Variants in CMSS1 observed in about 807,000 individuals in gnomAD.
CMSS1 encodes protein CMSS1.
CMSS1 carries 33 observed loss-of-function variants against 43.5 expected under a neutral mutation model. That is an observed-to-expected ratio of 0.76 (90% CI 0.57 to 1.01). The LOEUF is 1.01. Ranked by LOEUF, CMSS1 falls within the 50% of genes least tolerant of loss-of-function variation. The pLI, the probability that CMSS1 is intolerant of heterozygous loss-of-function variation, is 0.00. For synonymous variants in CMSS1, 115 were observed against 117.2 expected, an observed-to-expected ratio of 0.98 and a Z score of 0.12; for missense variants, 313 against 326.4, an observed-to-expected ratio of 0.96 and a Z score of 0.32.
At chr3:99,866,073 T>TTCCTTTATTCTC (rs545655351) in intron 1 of CMSS1, among the ~76,000 whole-genome samples, 3 of 152,156 alleles carry the variant, frequency 2.0e-5, no homozygotes, top group Non-Finnish European at 4.4e-5. Context: ...CTGCTTTTCT[T>TTCCTTTATTCTC]TCCTTTATTC....
chr3:99,902,394 A>G (rs1706465524), intron 1 of CMSS1, among the ~76,000 whole-genome samples: 2 of 152,208 alleles, frequency 1.3e-5, no homozygotes, highest in African/African-American at 4.8e-5. Context: ...CATGTTTTAC[A>G]AGAAGCAGTT....
chr3:99,821,809 GC>G (rs1380439923), intron 1 of CMSS1, among the ~76,000 whole-genome samples: 1 of 152,170 alleles, frequency 6.6e-6, no homozygotes, highest in African/African-American at 2.4e-5. Context: ...ACTTTGGGAG[GC>G]CAAGGTGGGC....
At position 100,071,648 on chromosome 3, in the gene CMSS1, C is replaced by G. The variant is rs559413473; in HGVS notation, c.65-75325C>G. On this transcript the variant is annotated intron_variant, in intron 1 of 9. Coordinates refer to ENST00000421999, the MANE Select transcript of CMSS1 (RefSeq NM_032359.4). ...GTCAACTTCTGGACACATCTTTATC[C>G]TGGACAGATCTTCCTTGGTCCATTC... Among the ~76,000 whole-genome samples the G allele has an allele frequency of 4.0e-4, 61 of 152,302 alleles. No individual in the cohort carries two copies. The South Asian group carries it at 0.012, about 30-fold the overall frequency.
intron 1 of CMSS1, among the ~76,000 whole-genome samples, chr3:100,085,601 T>C (rs1289177946): frequency 6.6e-6 from 1 of 152,208 alleles, no homozygotes; most frequent in Non-Finnish European, 1.5e-5. Flanking sequence ...AGCTCTAAGA[T>C]GCAGGCAAAT....
At chr3:100,011,447 T>G (rs1470057947) in intron 1 of CMSS1, among the ~76,000 whole-genome samples, 9 of 152,172 alleles carry the variant, frequency 5.9e-5, no homozygotes, top group African/African-American at 1.9e-4. Context: ...CCCAGAGGAC[T>G]AGTTAGATGC....
At position 100,172,360 on chromosome 3, in the gene CMSS1, G is replaced by T; in HGVS notation, c.624G>T (p.Leu208=). ...TGCTGGAGAAGCGTGTGGTGCACCT[G>T]GGTGTAGGAACTCCGGGGAGAATTA... ...VKLLEKRVVH[L]GVGTPGRIKE... Residue 208 remains leucine, a synonymous_variant, in exon 8 of 10, where the codon CTG becomes CTT. Coordinates refer to ENST00000421999, the MANE Select transcript of CMSS1 (RefSeq NM_032359.4). The T allele has an allele frequency of 6.2e-7, 1 of 1,613,886 alleles. No homozygotes were observed.
intron 1 of CMSS1, among the ~76,000 whole-genome samples, chr3:99,950,654 C>T (rs530426150): frequency 3.2e-4 from 49 of 152,232 alleles, no homozygotes; most frequent in African/African-American, 1.2e-3. Flanking sequence ...TTCCAATATT[C>T]GCCTCCCCAG....
At chr3:99,878,549 G>C (rs1398533197) in intron 1 of CMSS1, among the ~76,000 whole-genome samples, 1 of 152,186 alleles carries the variant, frequency 6.6e-6, no homozygotes, top group Non-Finnish European at 1.5e-5. Context: ...GGTATGTTTG[G>C]TAAAGGAGTG....
In CMSS1 at chr3:99,952,166, G is replaced by GT. The variant is rs557464940; in HGVS notation, c.64+134134dup. On this transcript the variant is annotated intron_variant, in intron 1 of 9. Transcript: ENST00000421999. ...ACAGACCACAGTCTCCTATAGATGT[G>GT]TTTTTTTTTTTCGTTGACTTAATAA... 1.7e-3 allele frequency among the ~76,000 whole-genome samples: 244 copies of GT among 145,128 alleles called. 2 individuals carry two copies. Among genetic ancestry groups the GT allele is most frequent in the African/African-American group, 2.6e-3 (103 of 39,712 alleles).
At chr3:100,076,837 A>G (rs1462555792) in intron 1 of CMSS1, among the ~76,000 whole-genome samples, 1 of 152,204 alleles carries the variant, frequency 6.6e-6, no homozygotes, top group Non-Finnish European at 1.5e-5. Flanking sequence ...AATTAGTCAG[A>G]CTTACTCAGT....
chr3:100,117,209 C>G (rs1486137346), intron 1 of CMSS1, among the ~76,000 whole-genome samples: 3 of 152,112 alleles, frequency 2.0e-5, no homozygotes, highest in African/African-American at 7.2e-5. Context: ...TATTATGTCA[C>G]ACTTTGGCAA....
intron 1 of CMSS1, among the ~76,000 whole-genome samples, chr3:100,004,829 C>G (rs1040364535): frequency 1.3e-5 from 2 of 152,188 alleles, no homozygotes; most frequent in African/African-American, 4.8e-5. Flanking sequence ...GAGTTTCCCC[C>G]TATGGGGCAG....
chr3:100,074,118 A>G (rs1343994118), intron 1 of CMSS1, among the ~76,000 whole-genome samples: 1 of 151,868 alleles, frequency 6.6e-6, no homozygotes, highest in Non-Finnish European at 1.5e-5. Flanking sequence ...GATCTTGTTT[A>G]TGTATGCTGT....
At chr3:100,018,735 C>A (rs1302526334) in intron 1 of CMSS1, among the ~76,000 whole-genome samples, 24 of 120,178 alleles carry the variant, frequency 2.0e-4, no homozygotes, top group African/African-American at 3.4e-4. Flanking sequence ...TTCCGCATAG[C>A]AAAAAAAAAA....
chr3:99,886,381 A>C (rs913770683), intron 1 of CMSS1, among the ~76,000 whole-genome samples: 1 of 152,228 alleles, frequency 6.6e-6, no homozygotes. Context: ...TACCATACAT[A>C]AAATACACTT....
At chr3:99,845,724 G>T (rs1943335000) in intron 1 of CMSS1, among the ~76,000 whole-genome samples, 1 of 152,148 alleles carries the variant, frequency 6.6e-6, no homozygotes, top group Non-Finnish European at 1.5e-5. Context: ...TAGAAAAAAA[G>T]ATGTTTTGCA....
At chr3:100,107,034 G>C (rs939748645) in intron 1 of CMSS1, among the ~76,000 whole-genome samples, 2 of 152,084 alleles carry the variant, frequency 1.3e-5, no homozygotes, top group Admixed American at 6.6e-5. Flanking sequence ...TATGGATTTT[G>C]TTACACAGCC....
intron 1 of CMSS1, among the ~76,000 whole-genome samples, chr3:99,918,769 C>G (rs1707033975): frequency 6.6e-6 from 1 of 152,174 alleles, no homozygotes; most frequent in Non-Finnish European, 1.5e-5. Flanking sequence ...GAACACAAGG[C>G]TGATCATGTC....
At chr3:100,169,187 G>A (rs2067089909) in intron 6 of CMSS1, among the ~76,000 whole-genome samples, 1 of 152,114 alleles carries the variant, frequency 6.6e-6, no homozygotes, top group Non-Finnish European at 1.5e-5. Context: ...AATTCCAAAT[G>A]GAATAAAAAC....
Sources: gnomAD v4.1 joint callset for allele counts (sites outside exome capture counted in the v4.1 genomes callset) on GRCh38, gnomAD v4.1.1 for gene constraint, MANE v1.5 for transcripts, NCBI Gene and HGNC (gene_info 2026-07-23, HGNC 2026-07-21) for gene names.